The following CTNNA3 variants were observed in gnomAD, a reference collection of about 807,000 sequenced individuals.
The protein encoded by CTNNA3 is catenin alpha-3.
In CTNNA3, 76 loss-of-function variants were observed where a neutral mutation model predicts 95.7. The ratio of observed to expected loss-of-function variants is 0.79; its 90% confidence interval spans 0.66 to 0.96. CTNNA3 has a LOEUF of 0.96. CTNNA3 is among the 40% of genes least tolerant of loss of function. The pLI, the probability that CTNNA3 is intolerant of heterozygous loss-of-function variation, is 0.00. For missense variants in CTNNA3, 1,191 were observed against 1,089.8 expected, an observed-to-expected ratio of 1.09 and a Z score of -1.31; for synonymous variants, 431 against 374.4, an observed-to-expected ratio of 1.15 and a Z score of -1.74.
chr10:66,374,878 G>T (rs1048425395), intron 12 of CTNNA3, among the ~76,000 whole-genome samples: 2 of 151,950 alleles, frequency 1.3e-5, no homozygotes, highest in Non-Finnish European at 1.5e-5. Flanking sequence ...GCCTCCAAAA[G>T]TGCTGGGATT....
chr10:66,522,557 A>C (rs1841104947), intron 10 of CTNNA3, among the ~76,000 whole-genome samples: 1 of 151,908 alleles, frequency 6.6e-6, no homozygotes, highest in South Asian at 2.1e-4. Context: ...CGCTACGTAA[A>C]GAAGGACATG....
intron 3 of CTNNA3, among the ~76,000 whole-genome samples, chr10:67,550,534 A>T (rs1298933878): frequency 1.3e-5 from 2 of 152,046 alleles, no homozygotes; most frequent in African/African-American, 2.4e-5. Context: ...TAAAGAAATA[A>T]AGGTGAAATG....
At chr10:66,276,108 A>C (rs1235717831) in intron 13 of CTNNA3, among the ~76,000 whole-genome samples, 1 of 152,158 alleles carries the variant, frequency 6.6e-6, no homozygotes, top group African/African-American at 2.4e-5. Flanking sequence ...TTCCTCAAAA[A>C]TTAACCTTCA....
intron 13 of CTNNA3, among the ~76,000 whole-genome samples, chr10:66,118,629 T>C (rs1476438817): frequency 6.6e-6 from 1 of 152,160 alleles, no homozygotes. Flanking sequence ...TCTAACATTG[T>C]TCTGTCTTAG....
At chr10:67,348,342 T>C (rs142763724) in intron 5 of CTNNA3, among the ~76,000 whole-genome samples, 10 of 152,128 alleles carry the variant, frequency 6.6e-5, no homozygotes, top group African/African-American at 1.2e-4. Context: ...AAGGAAACAA[T>C]TGACAGGGTG....
intron 9 of CTNNA3, among the ~76,000 whole-genome samples, chr10:66,661,644 A>T (rs1846268509): frequency 6.6e-6 from 1 of 152,208 alleles, no homozygotes. Context: ...GCACCAAAAC[A>T]AAACAAAACA....
At chr10:67,272,499 G>C (rs1259181968) in intron 5 of CTNNA3, among the ~76,000 whole-genome samples, 1 of 152,148 alleles carries the variant, frequency 6.6e-6, no homozygotes, top group Non-Finnish European at 1.5e-5. Context: ...GCTGTAGTCA[G>C]CTATCATTGT....
intron 7 of CTNNA3, among the ~76,000 whole-genome samples, chr10:66,834,071 G>A (rs945162998): frequency 6.6e-6 from 1 of 152,098 alleles, no homozygotes; most frequent in Non-Finnish European, 1.5e-5. Flanking sequence ...CAGCTCCTTG[G>A]TATGTCTCCC....
intron 4 of CTNNA3, among the ~76,000 whole-genome samples, chr10:67,533,858 A>G (rs535871957): frequency 6.6e-6 from 1 of 152,304 alleles, no homozygotes; most frequent in African/African-American, 2.4e-5. Flanking sequence ...AAAAGAGAGT[A>G]ACATCTCATT....
rs1471256979 is a variant in CTNNA3, at chr10:67,263,068, GTC to G, written c.580-43200_580-43199del. On this transcript the variant is annotated intron_variant, in intron 5 of 17. Coordinates refer to ENST00000433211, the MANE Select transcript of CTNNA3 (RefSeq NM_013266.4). ...TAACACAGCACTTGGAGAAAACTAA[GTC>G]TCTACAGGTTAGCAGGTCCAGATGG... 3.3e-5 allele frequency among the ~76,000 whole-genome samples: 5 copies of G among 152,298 alleles called. No individual in the cohort carries two copies. In the East Asian group the frequency reaches 9.7e-4, roughly 29 times the overall value.
At chr10:66,391,724 T>C (rs1248488070) in intron 11 of CTNNA3, among the ~76,000 whole-genome samples, 2 of 152,166 alleles carry the variant, frequency 1.3e-5, no homozygotes, top group African/African-American at 4.8e-5. Flanking sequence ...GAAATTTTAT[T>C]GAACCATTCT....
intron 9 of CTNNA3, among the ~76,000 whole-genome samples, chr10:66,640,915 T>C (rs1288790834): frequency 1.3e-5 from 2 of 152,234 alleles, no homozygotes; most frequent in South Asian, 2.1e-4. Context: ...GGAAACATCA[T>C]TGAGCAAATG....
chr10:67,000,757 C>A (rs1329947589), intron 7 of CTNNA3, among the ~76,000 whole-genome samples: 1 of 152,104 alleles, frequency 6.6e-6, no homozygotes, highest in Admixed American at 6.6e-5. Context: ...CCACACCTGA[C>A]AATTACAATA....
At position 67,739,604 on chromosome 10, in the gene CTNNA3, C is replaced by T. The variant is rs1481235453; in HGVS notation, c.-2+23830G>A. Among the ~76,000 whole-genome samples, 130 of 151,394 alleles carry T rather than the reference C, an allele frequency of 8.6e-4. 2 individuals carry two copies. The highest frequency in any genetic ancestry group is 2.6e-3 in the African/African-American group (106 of 41,162). ...ACCTAGGAATCCACCTTACAAGGGA[C>T]GTGAAGGACCTCTTCAAGGAGAACT... On this transcript the variant is annotated intron_variant, in intron 1 of 17. Transcript: ENST00000684154.
At chr10:66,961,787 A>T (rs1849120266) in intron 7 of CTNNA3, among the ~76,000 whole-genome samples, 1 of 152,154 alleles carries the variant, frequency 6.6e-6, no homozygotes, top group African/African-American at 2.4e-5. Context: ...TTTCAAACTT[A>T]ATACATGCAA....
intron 13 of CTNNA3, among the ~76,000 whole-genome samples, chr10:66,127,106 C>T (rs2082863798): frequency 6.6e-6 from 1 of 151,580 alleles, no homozygotes; most frequent in Non-Finnish European, 1.5e-5. Context: ...CCCGTCTCTA[C>T]CAAAAATACA....
At chr10:66,264,210 C>T (rs186863810) in intron 13 of CTNNA3, among the ~76,000 whole-genome samples, 4 of 152,012 alleles carry the variant, frequency 2.6e-5, no homozygotes, top group East Asian at 1.9e-4. Context: ...GACTTCTACC[C>T]GAAACAGATT....
At chr10:67,551,398 C>A (rs181712857) in intron 3 of CTNNA3, among the ~76,000 whole-genome samples, 66 of 152,246 alleles carry the variant, frequency 4.3e-4, no homozygotes, top group Admixed American at 1.9e-3. Flanking sequence ...TCTGTCTCCC[C>A]CACCTGCTGA....
intron 9 of CTNNA3, among the ~76,000 whole-genome samples, chr10:66,694,783 C>T (rs1393462255): frequency 6.6e-6 from 1 of 152,122 alleles, no homozygotes; most frequent in Non-Finnish European, 1.5e-5. Flanking sequence ...AGCACAATGG[C>T]AGCTGAGAAC....
Sources: gnomAD v4.1 joint callset for allele counts (sites outside exome capture counted in the v4.1 genomes callset) on GRCh38, gnomAD v4.1.1 for gene constraint, MANE v1.5 for transcripts, NCBI Gene and HGNC (gene_info 2026-07-23, HGNC 2026-07-21) for gene names.